Variants in CYP19A1 observed in about 807,000 individuals in gnomAD.
The protein encoded by CYP19A1 is aromatase.
CYP19A1 carries 32 observed loss-of-function variants against 44.4 expected under a neutral mutation model. That is an observed-to-expected ratio of 0.72 (90% CI 0.54 to 0.97). The LOEUF is 0.97. CYP19A1 is among the 50% of genes least tolerant of loss of function. The pLI, the probability that CYP19A1 is intolerant of heterozygous loss-of-function variation, is 0.00. For missense variants in CYP19A1, 598 were observed against 637.8 expected (o/e 0.94, Z 0.67); for synonymous variants, 212 against 215.6 (o/e 0.98, Z 0.14).
At position 51,260,767 on chromosome 15, in the gene CYP19A1, G is replaced by C. The variant is rs538639575; in HGVS notation, c.-38-17817C>G. On this transcript the variant is annotated intron_variant, in intron 1 of 9. Coordinates refer to ENST00000396402, the MANE Select transcript of CYP19A1 (RefSeq NM_000103.4). ...GCTAAAAGCAGGAGGTAAAGAAATA[G>C]TCAAATCATATATTGCCTGAGAGCA... 2.6e-5 allele frequency among the ~76,000 whole-genome samples: 4 copies of C among 152,326 alleles called. No homozygotes were observed. In the South Asian group the frequency reaches 8.3e-4, roughly 32 times the overall value.
chr15:51,288,861 A>G (rs1298013261), intron 1 of CYP19A1, among the ~76,000 whole-genome samples: 2 of 152,090 alleles, frequency 1.3e-5, no homozygotes, highest in East Asian at 3.8e-4. Context: ...TAGCGACTAA[A>G]CCAACACCGA....
chr15:51,283,192 A>G (rs2035585561), intron 1 of CYP19A1, among the ~76,000 whole-genome samples: 1 of 151,316 alleles, frequency 6.6e-6, no homozygotes, highest in Admixed American at 6.6e-5. Context: ...TGTGAGGAAC[A>G]GAAACCGGAG....
At chr15:51,216,072 AG>A in intron 6 of CYP19A1, 1 of 589,660 alleles carries the variant, frequency 1.7e-6, no homozygotes, top group African/African-American at 1.9e-5. Context: ...CTTCTAGTTA[AG>A]GGTTAAAAAT....
At chr15:51,318,287 C>G (rs1474799976) in intron 1 of CYP19A1, 2 of 152,198 alleles carry the variant, frequency 1.3e-5, no homozygotes, top group South Asian at 4.1e-4. Flanking sequence ...TTAATTAAAG[C>G]CACTCAGTTG....
chr15:51,261,711 C>T (rs1287057040), intron 1 of CYP19A1, among the ~76,000 whole-genome samples: 3 of 152,072 alleles, frequency 2.0e-5, no homozygotes, highest in Non-Finnish European at 2.9e-5. Context: ...GTTACTTTCG[C>T]AGGGTAGTCA....
intron 1 of CYP19A1, among the ~76,000 whole-genome samples, chr15:51,265,969 T>TGATA: frequency 6.6e-6 from 1 of 152,240 alleles, no homozygotes; most frequent in East Asian, 1.9e-4. Context: ...ATAAATCTAG[T>TGATA]GATAGCTCCA....
chr15:51,229,624 C>T (rs1370379252), intron 3 of CYP19A1, among the ~76,000 whole-genome samples: 2 of 151,890 alleles, frequency 1.3e-5, no homozygotes, highest in Admixed American at 6.6e-5. Context: ...ATTTGTCTGA[C>T]GTTTCAAATT....
intron 1 of CYP19A1, among the ~76,000 whole-genome samples, chr15:51,286,560 A>G (rs1384055143): frequency 1.3e-5 from 2 of 152,134 alleles, no homozygotes; most frequent in Non-Finnish European, 2.9e-5. Flanking sequence ...TGCCCTGACT[A>G]CCAAGCATGT....
At chr15:51,312,956 G>C (rs2141013765) in intron 1 of CYP19A1, 1 of 152,478 alleles carries the variant, frequency 6.6e-6, no homozygotes, top group African/African-American at 2.4e-5. Flanking sequence ...GAGCTTTGTG[G>C]CTTGGCCCCC....
At chr15:51,229,456 C>T (rs2032854872) in intron 3 of CYP19A1, among the ~76,000 whole-genome samples, 1 of 150,952 alleles carries the variant, frequency 6.6e-6, no homozygotes, top group Non-Finnish European at 1.5e-5. Context: ...GGAAAAACCA[C>T]CTATTTTCAA....
intron 1 of CYP19A1, among the ~76,000 whole-genome samples, chr15:51,304,027 CAAAAAA>C (rs1239547667): frequency 1.3e-5 from 2 of 152,108 alleles, no homozygotes; most frequent in East Asian, 3.9e-4. Flanking sequence ...ACAATTGCAG[CAAAAAA>C]GTTCAGAAAG....
intron 1 of CYP19A1, among the ~76,000 whole-genome samples, chr15:51,263,642 C>A (rs2034812019): frequency 6.6e-6 from 1 of 152,138 alleles, no homozygotes; most frequent in South Asian, 2.1e-4. Context: ...GGGAGGAAGG[C>A]ATGAGATCCA....
intron 1 of CYP19A1, among the ~76,000 whole-genome samples, chr15:51,311,692 G>A (rs577162503): frequency 2.0e-5 from 3 of 152,242 alleles, no homozygotes; most frequent in African/African-American, 2.4e-5. Flanking sequence ...CTTCCTACCC[G>A]CCAATGCCCT....
In CYP19A1 at chr15:51,210,766, A is replaced by C. The variant is rs1051464583; in HGVS notation, c.*42T>G. On this transcript the variant is annotated 3_prime_UTR_variant, in exon 10 of 10. Transcript: ENST00000396402. ...AGGATGGATGATTTGTATGTGAACT[A>C]CTGATGAGAAATGCTCCAGAGTGGG... is the stretch of plus-strand genomic sequence containing the variant. The C allele has an allele frequency of 7.9e-7, 1 of 1,261,030 alleles. No homozygotes were observed. Among genetic ancestry groups the C allele is most frequent in the East Asian group, 2.3e-5 (1 of 43,330 alleles). The allele number at this position is 1,261,030 out of a possible 1,614,324, so 78.1% of individuals were successfully genotyped here. A position where few individuals can be genotyped will look rare whatever the true frequency, so the allele number is the denominator to read the frequency against.
At chr15:51,312,048 G>T in intron 1 of CYP19A1, among the ~76,000 whole-genome samples, 1 of 152,042 alleles carries the variant, frequency 6.6e-6, no homozygotes, top group East Asian at 1.9e-4. Flanking sequence ...CCTTATAATG[G>T]TGCAAGTGAC....
At chr15:51,303,383 TAA>T (rs76026215) in intron 1 of CYP19A1, among the ~76,000 whole-genome samples, 1 of 145,852 alleles carries the variant, frequency 6.9e-6, no homozygotes, top group East Asian at 2.0e-4. Flanking sequence ...CTATGCCCTT[TAA>T]AAAAAAAAAG....
intron 4 of CYP19A1, among the ~76,000 whole-genome samples, chr15:51,222,792 T>C (rs575888619): frequency 6.6e-6 from 1 of 152,352 alleles, no homozygotes; most frequent in African/African-American, 2.4e-5. Context: ...AAACTTTTTT[T>C]CATGCTCTAG....
intron 6 of CYP19A1, 81 bp from the exon 7 acceptor site, chr15:51,215,898 G>A: frequency 6.3e-7 from 1 of 1,597,466 alleles, no homozygotes; most frequent in Non-Finnish European, 8.5e-7. Flanking sequence ...ATGTATTTAG[G>A]TAAAATGATC....
At chr15:51,296,279 G>A (rs2035993758) in intron 1 of CYP19A1, among the ~76,000 whole-genome samples, 1 of 151,988 alleles carries the variant, frequency 6.6e-6, no homozygotes, top group South Asian at 2.1e-4. Context: ...AGGAGAAGAG[G>A]AAAACTCCCT....
Sources: gnomAD v4.1 joint callset for allele counts (sites outside exome capture counted in the v4.1 genomes callset) on GRCh38, gnomAD v4.1.1 for gene constraint, MANE v1.5 for transcripts, NCBI Gene and HGNC (gene_info 2026-07-23, HGNC 2026-07-21) for gene names.